The following C5orf24 variants were observed in gnomAD, a reference collection of about 807,000 sequenced individuals.
C5orf24 encodes the protein UPF0461 protein C5orf24.
In C5orf24, 4 loss-of-function variants were observed where a neutral mutation model predicts 9.8. The ratio of observed to expected loss-of-function variants is 0.41; its 90% CI spans 0.20 to 0.93. The LOEUF (loss-of-function observed/expected upper bound fraction) is 0.93. C5orf24 is among the 40% of genes least tolerant of loss of function. C5orf24 has a pLI of 0.33. For missense variants in C5orf24, 170 were observed against 236.9 expected, an observed-to-expected ratio of 0.72 and a Z score of 1.85; for synonymous variants, 73 against 81.3, an observed-to-expected ratio of 0.90 and a Z score of 0.55.
the C5orf24 span, among the ~76,000 whole-genome samples, chr5:134,840,614 G>C: frequency 4.6e-5 from 7 of 152,042 alleles, no homozygotes; most frequent in African/African-American, 1.7e-4. Flanking sequence ...GCTCACTGCA[G>C]CCTCAACCTC....
chr5:134,844,146 A>G (rs1160035272), upstream of C5orf24, among the ~76,000 whole-genome samples: 4 of 152,186 alleles, frequency 2.6e-5, no homozygotes, highest in African/African-American at 9.7e-5. Context: ...GTTTAGAGTT[A>G]CAGATTTGGA....
upstream of C5orf24, among the ~76,000 whole-genome samples, chr5:134,842,462 C>T (rs756518903): frequency 2.0e-5 from 3 of 151,442 alleles, no homozygotes; most frequent in Non-Finnish European, 4.4e-5. Flanking sequence ...AATCCAGTGA[C>T]CCAGCCTGGG....
At chr5:134,853,276 G>A (rs1331121761) in intron 1 of C5orf24, among the ~76,000 whole-genome samples, 5 of 151,286 alleles carry the variant, frequency 3.3e-5, no homozygotes, top group African/African-American at 4.8e-5. Context: ...CAGGAGAATC[G>A]CTTGAACCCA....
intron 1 of C5orf24, among the ~76,000 whole-genome samples, chr5:134,849,623 A>G (rs999427130): frequency 6.9e-6 from 1 of 144,176 alleles, no homozygotes; most frequent in Non-Finnish European, 1.5e-5. Context: ...GAAGCCCTGC[A>G]CTTCAGAAAT....
upstream of C5orf24, among the ~76,000 whole-genome samples, chr5:134,844,468 C>T (rs143640047): frequency 2.7e-4 from 41 of 152,168 alleles, no homozygotes; most frequent in Non-Finnish European, 3.7e-4. Flanking sequence ...TCTCAGCCTC[C>T]GTAGCAGCTG....
At position 134,855,572 on chromosome 5, in the gene C5orf24, A is replaced by C; in HGVS notation, c.*105A>C. 2 of 1,480,150 alleles carry C rather than the reference A, an allele frequency of 1.4e-6. No individual in the cohort carries two copies. The highest frequency in any genetic ancestry group is 1.8e-6 in the Non-Finnish European group (2 of 1,107,982). The allele number at this position is 1,480,150 out of a possible 1,614,324, so 91.7% of individuals were successfully genotyped here. Reference sequence around the variant, plus strand: ...ATAATTTTATGGCCTGGGCTTTCCAAATTTGTTTTCCTGTTTGGTTTTTTT... The same window carrying C: ...ATAATTTTATGGCCTGGGCTTTCCACATTTGTTTTCCTGTTTGGTTTTTTT... On this transcript the variant is annotated 3_prime_UTR_variant, in exon 2 of 2. Transcript: ENST00000394976.
intron 1 of C5orf24, among the ~76,000 whole-genome samples, chr5:134,849,285 T>C (rs1182292845): frequency 6.6e-6 from 1 of 151,972 alleles, no homozygotes; most frequent in East Asian, 1.9e-4. Flanking sequence ...TCAACAATAG[T>C]TAGCTCGGAA....
chr5:134,846,496 A>T (rs1756000062), intron 1 of C5orf24: 1 of 152,134 alleles, frequency 6.6e-6, no homozygotes, highest in South Asian at 2.1e-4. Flanking sequence ...CCGGCTCGAG[A>T]TCGGCGTCGC....
At chr5:134,838,386 C>G in the C5orf24 span, among the ~76,000 whole-genome samples, 1 of 152,028 alleles carries the variant, frequency 6.6e-6, no homozygotes, top group Non-Finnish European at 1.5e-5. Flanking sequence ...AAAGTGCACT[C>G]CCGGCCGGAT....
At chr5:134,847,705 ATT>A (rs57323019) in intron 1 of C5orf24, among the ~76,000 whole-genome samples, 24 of 134,972 alleles carry the variant, frequency 1.8e-4, no homozygotes, top group East Asian at 1.1e-3. Flanking sequence ...TATTCATCCT[ATT>A]TTTTTTTTTT....
At chr5:134,839,997 A>G in the C5orf24 span, among the ~76,000 whole-genome samples, 5 of 152,090 alleles carry the variant, frequency 3.3e-5, no homozygotes, top group South Asian at 6.2e-4. Flanking sequence ...CACCTAGCCT[A>G]GAGTAACTTA....
rs185050898 is a variant in C5orf24, at chr5:134,847,545, C to T, written c.-4+1333C>T. ...TGCTGACCTCGTGATCCACCCTTCT[C>T]AACCTCCCAAAGTGCTGGGATTACA... On this transcript the variant is annotated intron_variant, in intron 1 of 1. Transcript: ENST00000394976. Among the ~76,000 whole-genome samples, 10 of 152,312 alleles carry T rather than the reference C, an allele frequency of 6.6e-5. No individual in the cohort carries two copies. In the East Asian group the frequency reaches 1.9e-3, roughly 29 times the overall value.
At chr5:134,852,812 G>A (rs1374405524) in intron 1 of C5orf24, among the ~76,000 whole-genome samples, 2 of 151,780 alleles carry the variant, frequency 1.3e-5, no homozygotes, top group African/African-American at 2.4e-5. Flanking sequence ...CAAGGAAGGC[G>A]GATCACCTGA....
intron 1 of C5orf24, among the ~76,000 whole-genome samples, chr5:134,847,987 G>GATTT (rs1756042957): frequency 6.6e-6 from 1 of 152,202 alleles, no homozygotes; most frequent in African/African-American, 2.4e-5. Flanking sequence ...ACAGGCCTGA[G>GATTT]CCACCGCGCC....
Position 134,855,636 on chromosome 5 carries a change from C to T in C5orf24, c.*169C>T. 1.4e-6 allele frequency: 2 copies of T among 1,469,734 alleles called. No homozygotes were observed. The highest frequency in any genetic ancestry group is 1.8e-6 in the Non-Finnish European group (2 of 1,115,614). The allele number at this position is 1,469,734 out of a possible 1,614,324, so 91.0% of individuals were successfully genotyped here. ...AAAAACTGCCATATGCTGACAGATG[C>T]ACTCAGGGCATGAGCAGCGGCATTG... On this transcript the variant is annotated 3_prime_UTR_variant, in exon 2 of 2. Coordinates refer to ENST00000394976, the MANE Select transcript of C5orf24 (RefSeq NM_001135586.1).
At chr5:134,844,213 G>GA (rs1232256259), upstream of C5orf24, among the ~76,000 whole-genome samples, 1 of 151,982 alleles carries the variant, frequency 6.6e-6, no homozygotes. Flanking sequence ...ACCTTGCTTA[G>GA]AAAAAAAACT....
rs748153927 is a variant in C5orf24, at chr5:134,854,969, A to G, written c.69A>G (p.Glu23=). 1 of 1,614,192 alleles carries G rather than the reference A, an allele frequency of 6.2e-7. No homozygotes were observed. The highest frequency in any genetic ancestry group is 2.2e-5 in the East Asian group (1 of 44,890). Residue 23 remains glutamate, a synonymous_variant, in exon 2 of 2, where the codon GAA becomes GAG. Transcript: ENST00000394976. ...CGPGKPSCLN[E]DAMRAADQFD... The stretch of plus-strand genomic sequence containing the variant: ...CTGGCAAGCCTTCCTGCCTCAATGA[A>G]GATGCCATGAGAGCTGCTGATCAGT...
upstream of C5orf24, among the ~76,000 whole-genome samples, chr5:134,840,958 A>C (rs1755883264): frequency 6.6e-6 from 1 of 152,130 alleles, no homozygotes; most frequent in South Asian, 2.1e-4. Flanking sequence ...ATACCATGTG[A>C]CCCAGCTCTT....
chr5:134,839,019 G>A, the C5orf24 span, among the ~76,000 whole-genome samples: 1 of 151,888 alleles, frequency 6.6e-6, no homozygotes, highest in Non-Finnish European at 1.5e-5. Context: ...GACCAGCTTG[G>A]GCAACATGAG....
Sources: allele counts gnomAD v4.1 joint callset (sites outside exome capture counted in the v4.1 genomes callset), GRCh38; gene constraint gnomAD v4.1.1; transcripts MANE v1.5; gene names NCBI Gene and HGNC (gene_info 2026-07-23, HGNC 2026-07-21).